TAF7L: variants seen among roughly 807,000 people sequenced by gnomAD.
TAF7L encodes the protein TATA-box binding protein associated factor 7 like, also known as transcription initiation factor TFIID subunit 7-like.
In TAF7L, 6 loss-of-function variants were observed where a neutral mutation model predicts 30.2. The observed-to-expected ratio is 0.20, with a 90% CI of 0.11 to 0.39. TAF7L has a LOEUF of 0.39. Among genes scored for constraint, TAF7L ranks in the 10% least tolerant of loss-of-function variants. The probability of loss-of-function intolerance (pLI) is 1.00; values close to 1 mark genes in which losing one functional copy is unlikely to be tolerated. For missense variants in TAF7L, 284 were observed against 277.1 expected, an observed-to-expected ratio of 1.03 and a Z score of -0.18; for synonymous variants, 93 against 94.5, an observed-to-expected ratio of 0.98 and a Z score of 0.09.
At chrX:101,288,241 A>C (rs1436465125) in intron 1 of TAF7L, among the ~76,000 whole-genome samples, 1 of 108,323 alleles carries the variant, frequency 9.2e-6, no homozygotes, top group Non-Finnish European at 1.9e-5. Flanking sequence ...TCCCAGGTTC[A>C]AGCCATTCTC....
At chrX:101,275,688 G>A (rs1924139822) in intron 11 of TAF7L, among the ~76,000 whole-genome samples, 1 of 111,372 alleles carries the variant, frequency 9.0e-6, no homozygotes, top group South Asian at 3.8e-4. Flanking sequence ...TACGTTTCAA[G>A]GATGTGAGGA....
upstream of TAF7L, among the ~76,000 whole-genome samples, chrX:101,292,244 A>AAT (rs1417876367): frequency 2.7e-5 from 1 of 36,803 alleles, no homozygotes; most frequent in African/African-American, 3.9e-4. Context: ...GTCTCAAAAA[A>AAT]AAAAAAATAA....
chrX:101,269,518 G>A (rs147251675), intron 12 of TAF7L, among the ~76,000 whole-genome samples: 1 of 111,715 alleles, frequency 9.0e-6, no homozygotes, highest in African/African-American at 3.3e-5. Flanking sequence ...AGTTTGGGAA[G>A]AAAAAGAGGT....
intron 1 of TAF7L, among the ~76,000 whole-genome samples, chrX:101,288,227 C>T (rs190582334): frequency 2.1e-3 from 228 of 108,567 alleles, no homozygotes; most frequent in South Asian, 6.6e-3. Context: ...CTGCAACCTC[C>T]GCCTCCCAGG....
intron 11 of TAF7L, among the ~76,000 whole-genome samples, chrX:101,275,690 A>T (rs768117901): frequency 3.3e-4 from 37 of 111,570 alleles, no homozygotes; most frequent in African/African-American, 1.2e-3. Context: ...CGTTTCAAGG[A>T]TGTGAGGATA....
At chrX:101,276,166 C>G (rs928876607) in intron 10 of TAF7L, 54 bp from the exon 11 acceptor site, 6 of 1,156,588 alleles carry the variant, frequency 5.2e-6, no homozygotes, top group African/African-American at 1.8e-5. Flanking sequence ...ATGAATGGAC[C>G]AAGATCCAAA....
intron 8 of TAF7L, among the ~76,000 whole-genome samples, 160 bp from the exon 9 acceptor site, chrX:101,277,879 A>C (rs776387459): frequency 1.8e-5 from 2 of 111,915 alleles, no homozygotes; most frequent in Non-Finnish European, 3.8e-5. Context: ...ATTGAATTAC[A>C]CAATAAATAA....
At chrX:101,287,091 G>C (rs1246882849) in intron 2 of TAF7L, among the ~76,000 whole-genome samples, 4 of 111,870 alleles carry the variant, frequency 3.6e-5, no homozygotes, top group African/African-American at 9.7e-5. Flanking sequence ...GTTGAGATGA[G>C]CTTTAAAAGT....
At chrX:101,277,741 G>T in intron 8 of TAF7L, 22 bp from the exon 9 acceptor site, 1 of 1,076,572 alleles carries the variant, frequency 9.3e-7, no homozygotes, top group African/African-American at 1.8e-5. Context: ...GGGTAGTCAA[G>T]GAAAACACAG....
intron 9 of TAF7L, 60 bp downstream of exon 9, chrX:101,277,546 T>C (rs1924249323): frequency 1.6e-5 from 9 of 565,507 alleles, no homozygotes; most frequent in Non-Finnish European, 2.4e-5. Context: ...TGGAAAATGA[T>C]CTGATACCCA....
At position 101,291,294 on chromosome X, in the gene TAF7L, C is replaced by G; in HGVS notation, c.-73G>C. 5 of 754,435 alleles carry G rather than the reference C, an allele frequency of 6.6e-6. No homozygotes were observed. Among genetic ancestry groups the G allele is most frequent in the Non-Finnish European group, 7.8e-6 (5 of 639,230 alleles). The allele number at this position is 754,435 out of a possible 1,213,427, so 62.2% of individuals were successfully genotyped here. A position where few individuals can be genotyped will look rare whatever the true frequency, so the allele number is the denominator to read the frequency against. On this transcript the variant is annotated 5_prime_UTR_variant, in exon 1 of 13. Coordinates refer to ENST00000356784, the MANE Select transcript of TAF7L (RefSeq NM_001168474.2). Reference sequence around the variant, plus strand: ...GCGTCTCTGGTCTGTGGGTTCCGGACGAACCGCGCGTGGGCTCCCGCGCGG... The same window carrying G: ...GCGTCTCTGGTCTGTGGGTTCCGGAGGAACCGCGCGTGGGCTCCCGCGCGG...
intron 9 of TAF7L, among the ~76,000 whole-genome samples, 164 bp downstream of exon 9, chrX:101,277,442 A>G (rs189376258): frequency 3.0e-5 from 2 of 67,461 alleles, no homozygotes; most frequent in Admixed American, 3.5e-4. Flanking sequence ...ACAGAGCAAG[A>G]CTCCATCTCA....
At chrX:101,285,779 G>A (rs1182387007) in intron 3 of TAF7L, among the ~76,000 whole-genome samples, 2 of 110,675 alleles carry the variant, frequency 1.8e-5, no homozygotes, top group Admixed American at 1.9e-4. Context: ...TTAAAATCAG[G>A]TTATTTGTTT....
intron 3 of TAF7L, 90 bp downstream of exon 3, chrX:101,286,485 C>T: frequency 2.9e-5 from 18 of 617,142 alleles, no homozygotes; most frequent in Non-Finnish European, 4.2e-5. Context: ...TCATTTTTCA[C>T]ATCCTTAGTA....
intron 12 of TAF7L, among the ~76,000 whole-genome samples, chrX:101,273,702 C>T (rs112101493): frequency 3.0e-3 from 339 of 112,215 alleles, no homozygotes; most frequent in Middle Eastern, 9.2e-3. Flanking sequence ...AGGAACCATA[C>T]ACTATGGTCT....
rs1260469028 is a variant in TAF7L at position 101,278,909 on chromosome X, G to A, written c.504+85C>T. The A allele has an allele frequency of 3.4e-6, 3 of 881,527 alleles. No individual in the cohort carries two copies. In the East Asian group the frequency reaches 9.4e-5, roughly 28 times the overall value. 72.6% of individuals were successfully genotyped at this position (881,527 alleles called of 1,213,427 possible). A position where few individuals can be genotyped will look rare whatever the true frequency, so the allele number is the denominator to read the frequency against. On this transcript the variant is annotated intron_variant, in intron 7 of 12. Coordinates refer to ENST00000356784, the MANE Select transcript of TAF7L (RefSeq NM_001168474.2). ...AGGAAGGCTCAAAAGTAGCTTCTGT[G>A]GTTTATTTGATTCATTTGAAACTAA... is the stretch of plus-strand genomic sequence containing the variant.
At chrX:101,288,402 CA>C (rs1408216666) in intron 1 of TAF7L, among the ~76,000 whole-genome samples, 1 of 109,192 alleles carries the variant, frequency 9.2e-6, no homozygotes, top group Non-Finnish European at 1.9e-5. Context: ...CTCAGCCTCC[CA>C]AAGTGCTGGG....
At chrX:101,271,476 G>A (rs1923963102) in intron 12 of TAF7L, among the ~76,000 whole-genome samples, 1 of 111,496 alleles carries the variant, frequency 9.0e-6, no homozygotes, top group Admixed American at 9.6e-5. Flanking sequence ...TTAAGTATTT[G>A]TGTATCTAAA....
At chrX:101,291,860 G>C (rs1924818549), upstream of TAF7L, among the ~76,000 whole-genome samples, 1 of 84,552 alleles carries the variant, frequency 1.2e-5, no homozygotes, top group Admixed American at 1.3e-4. Context: ...GTGAGACTCT[G>C]TCCGAAAAAA....
Sources: gnomAD v4.1 joint callset for allele counts (sites outside exome capture counted in the v4.1 genomes callset) on GRCh38, gnomAD v4.1.1 for gene constraint, MANE v1.5 for transcripts, NCBI Gene and HGNC (gene_info 2026-07-23, HGNC 2026-07-21) for gene names.